Variants in LPIN2 observed in about 807,000 individuals in gnomAD.
LPIN2 encodes phosphatidate phosphatase LPIN2.
In LPIN2, 55 loss-of-function variants were observed where a neutral mutation model predicts 111.4. The ratio of observed to expected loss-of-function variants is 0.49; its 90% CI spans 0.40 to 0.62. LPIN2 has a LOEUF of 0.62. LPIN2 is among the 20% of genes least tolerant of loss of function. The probability of loss-of-function intolerance (pLI) is 0.00; values close to 1 mark genes in which losing one functional copy is unlikely to be tolerated. For missense variants in LPIN2, 992 were observed against 1,112.1 expected (o/e 0.89, Z 1.54); for synonymous variants, 425 against 414.0 (o/e 1.03, Z -0.32).
Position 2,939,473 on chromosome 18 carries a change from C to T in LPIN2, c.822+7G>A, listed in dbSNP as rs1159585620. 7.4e-6 allele frequency: 12 copies of T among 1,613,562 alleles called. No individual in the cohort carries two copies. The highest frequency in any genetic ancestry group is 1.0e-5 in the Non-Finnish European group (12 of 1,179,636). On this transcript the variant is annotated splice_region_variant and intron_variant, in intron 6 of 19. Transcript: ENST00000677752. Reference sequence around the variant, plus strand: ...CACACTTTCCACAGGCAAGTAAACCCTAGTACCTTGGTGGACTCTGGGAAT... The same window carrying T: ...CACACTTTCCACAGGCAAGTAAACCTTAGTACCTTGGTGGACTCTGGGAAT...
chr18:2,925,437 G>A lies in LPIN2; in HGVS notation c.1794-69C>T. 1.3e-6 allele frequency: 2 copies of A among 1,597,064 alleles called. No individual in the cohort carries two copies. The highest frequency in any genetic ancestry group is 2.2e-5 in the East Asian group (1 of 44,818). ...TTATTGATGAGAGCTTTTCATTTAG[G>A]ATCAAGAAAATAAAGATATCCTAAA... is the stretch of plus-strand genomic sequence containing the variant. On this transcript the variant is annotated intron_variant, in intron 13 of 19. Transcript: ENST00000677752. This position sits in a 1 kb window ranked among gnomAD's most constrained non-coding sequence, Gnocchi z 4.1.
intron 1 of LPIN2, among the ~76,000 whole-genome samples, chr18:2,998,097 G>A (rs1301153321): frequency 1.3e-5 from 2 of 152,196 alleles, no homozygotes; most frequent in African/African-American, 2.4e-5. Context: ...TCTGCATGGT[G>A]CCCACTGGGA....
intron 1 of LPIN2, among the ~76,000 whole-genome samples, chr18:2,988,224 A>G (rs2078215443): frequency 6.6e-6 from 1 of 151,882 alleles, no homozygotes; most frequent in Non-Finnish European, 1.5e-5. Context: ...CTGCCACTCT[A>G]TTTCCCCATC....
chr18:3,012,967 G>A (rs1269351222), intron 1 of LPIN2, 120 bp downstream of exon 1: 1 of 150,996 alleles, frequency 6.6e-6, no homozygotes, highest in Non-Finnish European at 1.5e-5. Flanking sequence ...CGCCGCCCCG[G>A]AGGGTCCCGG....
chr18:2,954,954 T>C (rs920185281), intron 2 of LPIN2, among the ~76,000 whole-genome samples: 95 of 152,324 alleles, frequency 6.2e-4, no homozygotes, highest in African/African-American at 2.2e-3. Context: ...ACGGTTCAGA[T>C]ACACACAAGT....
chr18:2,974,359 G>T (rs779871712), intron 1 of LPIN2, among the ~76,000 whole-genome samples: 1 of 152,216 alleles, frequency 6.6e-6, no homozygotes, highest in Non-Finnish European at 1.5e-5. Flanking sequence ...ATTAACAGGC[G>T]TGAGCCACCG....
chr18:2,922,331 G>A, intron 16 of LPIN2, 132 bp from the exon 17 acceptor site: 1 of 1,049,680 alleles, frequency 9.5e-7, no homozygotes, highest in East Asian at 2.6e-5. Flanking sequence ...CTGGAGTGCT[G>A]TGGCGCCATC....
Position 2,939,617 on chromosome 18 carries a change from A to G in LPIN2, c.699-14T>C. 1 of 1,612,326 alleles carries G rather than the reference A, an allele frequency of 6.2e-7. No individual in the cohort carries two copies. Among genetic ancestry groups the G allele is most frequent in the Non-Finnish European group, 8.5e-7 (1 of 1,179,452 alleles). On this transcript the variant is annotated splice_polypyrimidine_tract_variant and intron_variant, in intron 5 of 19. Coordinates refer to ENST00000677752, the MANE Select transcript of LPIN2 (RefSeq NM_001375808.2). ...TGGGGATAGGTGCTGCAAAGAGAAC[A>G]AAGACACACGATGACTTGAAAGTCG...
intron 4 of LPIN2, among the ~76,000 whole-genome samples, chr18:2,942,396 C>T (rs2077378239): frequency 6.6e-6 from 1 of 152,162 alleles, no homozygotes; most frequent in African/African-American, 2.4e-5. Context: ...TCTGAAAGGA[C>T]ACATCAGCTT....
At position 2,926,695 on chromosome 18, in the gene LPIN2, T is replaced by A. The variant is rs771621321; in HGVS notation, c.1793+28A>T. On this transcript the variant is annotated intron_variant, in intron 13 of 19. Coordinates refer to ENST00000677752, the MANE Select transcript of LPIN2 (RefSeq NM_001375808.2). ...GCCCTGCTAGAGGGCCTGAGTGCTA[T>A]GAGCCGGGCAGAGGACAGGGCACCC... 6.2e-6 allele frequency: 10 copies of A among 1,602,738 alleles called. No individual in the cohort carries two copies. The African/African-American group carries it at 1.3e-4, about 21-fold the overall frequency.
chr18:2,962,241 C>G (rs931418158), intron 1 of LPIN2, among the ~76,000 whole-genome samples: 1 of 152,164 alleles, frequency 6.6e-6, no homozygotes, highest in Non-Finnish European at 1.5e-5. Context: ...TAATTTTACC[C>G]TGGAAGAAAT....
rs556623290 is a variant in LPIN2, at chr18:2,950,053, A to C, written c.590+1002T>G. 4.6e-5 allele frequency among the ~76,000 whole-genome samples: 7 copies of C among 152,254 alleles called. No individual in the cohort carries two copies. In the South Asian group the frequency reaches 1.2e-3, roughly 27 times the overall value. On this transcript the variant is annotated intron_variant, in intron 4 of 19. Coordinates refer to ENST00000677752, the MANE Select transcript of LPIN2 (RefSeq NM_001375808.2). ...GAGTTCAATGTTACAGTGAGCTATG[A>C]TTGCACCACTGCACTCCAGCCTGGG... is the stretch of plus-strand genomic sequence containing the variant.
In LPIN2 at chr18:2,931,337, G is replaced by C. The variant is rs781705610; in HGVS notation, c.1375C>G (p.Leu459Val). The change falls in exon 9 of 20, where the codon CTC becomes GTC. Residue 459 changes from leucine to valine, a missense_variant. Physicochemically the swap from Leu to Val is conservative, Grantham distance 32. This residue lies in a region of LPIN2 where 709 missense variants were observed against 753.2 expected (regional missense o/e 0.94). Coordinates refer to ENST00000677752, the MANE Select transcript of LPIN2 (RefSeq NM_001375808.2). ...SAAADSGTEC[L>V]SDSAMDLPDV... ...GGCAAGTCCATGGCAGAATCTGAGA[G>C]GCACTCGGTGCCGCTATCTGCAGCT... 6.2e-6 allele frequency: 10 copies of C among 1,614,056 alleles called. No individual in the cohort carries two copies. Among genetic ancestry groups the C allele is most frequent in the African/African-American group, 2.7e-5 (2 of 74,926 alleles).
At chr18:2,955,174 G>A (rs559266734) in intron 2 of LPIN2, among the ~76,000 whole-genome samples, 4 of 152,310 alleles carry the variant, frequency 2.6e-5, no homozygotes, top group East Asian at 1.9e-4. Flanking sequence ...AGACATATGC[G>A]TTGGGCCATT....
At chr18:2,946,490 G>A (rs767819519) in intron 4 of LPIN2, 2 of 1,564,018 alleles carry the variant, frequency 1.3e-6, no homozygotes, top group Non-Finnish European at 1.8e-6. Context: ...ATTGGTCTCA[G>A]GATCGAAGCG....
Position 2,920,700 on chromosome 18 carries a change from G to A in LPIN2, c.2546+78C>T, listed in dbSNP as rs1042586054. On this transcript the variant is annotated intron_variant, in intron 19 of 19. Transcript: ENST00000677752. ...AGGGCCTGATCTCAAGGATCAGGGG[G>A]AAAAGGACAGGGTCTGTCTGTCCCC... is the stretch of plus-strand genomic sequence containing the variant. The A allele has an allele frequency of 6.3e-5, 69 of 1,099,132 alleles. No individual in the cohort carries two copies. In the African/African-American group the frequency reaches 8.3e-4, roughly 13 times the overall value. The allele number at this position is 1,099,132 out of a possible 1,614,324, so 68.1% of individuals were successfully genotyped here.
chr18:2,940,255 G>T (rs2077350352), intron 5 of LPIN2, among the ~76,000 whole-genome samples: 1 of 152,132 alleles, frequency 6.6e-6, no homozygotes, highest in Admixed American at 6.5e-5. Context: ...CGAGCCCAGG[G>T]GTTTAAGGCT....
chr18:2,945,484 C>T (rs2077436823), intron 4 of LPIN2: 1 of 834,784 alleles, frequency 1.2e-6, no homozygotes, highest in South Asian at 1.4e-5. Flanking sequence ...CAGCAGCAAG[C>T]CACCACTTCA....
intron 1 of LPIN2, among the ~76,000 whole-genome samples, chr18:2,977,939 T>C (rs1009112161): frequency 6.6e-6 from 1 of 152,080 alleles, no homozygotes; most frequent in Non-Finnish European, 1.5e-5. Context: ...ACACCTGTAA[T>C]CCCAGCACTT....
Sources: allele counts gnomAD v4.1 joint callset (sites outside exome capture counted in the v4.1 genomes callset), GRCh38; gene constraint gnomAD v4.1.1; regional missense constraint gnomAD v4.1.1; non-coding constraint Gnocchi (gnomAD v3.1); transcripts MANE v1.5; gene names NCBI Gene and HGNC (gene_info 2026-07-23, HGNC 2026-07-21).